The following CDH13 variants were observed in gnomAD, a reference collection of about 807,000 sequenced individuals.
The protein encoded by CDH13 is cadherin-13.
CDH13 carries 24 observed loss-of-function variants against 63.8 expected under a neutral mutation model. The ratio of observed to expected loss-of-function variants is 0.38; its 90% CI spans 0.27 to 0.53. The LOEUF is 0.53. Among genes scored for constraint, CDH13 ranks in the 20% least tolerant of loss-of-function variants. CDH13 has a pLI of 0.85. For synonymous variants in CDH13, 503 were observed against 355.3 expected, an observed-to-expected ratio of 1.42 and a Z score of -4.67; for missense variants, 1,049 against 903.1, an observed-to-expected ratio of 1.16 and a Z score of -2.07.
intron 5 of CDH13, among the ~76,000 whole-genome samples, chr16:83,339,403 C>A (rs1378895236): frequency 1.3e-5 from 2 of 151,994 alleles, no homozygotes; most frequent in Non-Finnish European, 2.9e-5. Flanking sequence ...TAGTTTTGCC[C>A]TCTCTAGGAA....
intron 6 of CDH13, among the ~76,000 whole-genome samples, chr16:83,361,503 C>A (rs772829062): frequency 1.2e-4 from 19 of 152,170 alleles, no homozygotes; most frequent in Non-Finnish European, 2.5e-4. Context: ...AATTATTTCC[C>A]AAGGCCAATG....
intron 7 of CDH13, among the ~76,000 whole-genome samples, chr16:83,527,981 T>C (rs1598225281): frequency 6.6e-6 from 1 of 152,294 alleles, no homozygotes; most frequent in East Asian, 1.9e-4. Context: ...TCGGTGACTT[T>C]CTAAGGGCAC....
At chr16:83,449,396 C>T (rs958279819) in intron 6 of CDH13, among the ~76,000 whole-genome samples, 2 of 152,142 alleles carry the variant, frequency 1.3e-5, no homozygotes, top group Non-Finnish European at 1.5e-5. Context: ...GAAACGGCTC[C>T]CTTACCTGAT....
intron 5 of CDH13, among the ~76,000 whole-genome samples, chr16:83,341,252 A>G (rs964829444): frequency 1.1e-4 from 16 of 152,216 alleles, no homozygotes; most frequent in African/African-American, 2.4e-5. Context: ...GGGTATTTCA[A>G]TTAGGAAGAA....
chr16:83,039,882 T>C (rs570191034), intron 3 of CDH13, among the ~76,000 whole-genome samples: 203 of 152,240 alleles, frequency 1.3e-3, no homozygotes, highest in Admixed American at 3.5e-3. Context: ...GTCAGCACCA[T>C]TGATGCTTCA....
At chr16:83,236,988 G>C (rs1022915609) in intron 5 of CDH13, among the ~76,000 whole-genome samples, 6 of 152,058 alleles carry the variant, frequency 3.9e-5, no homozygotes, top group African/African-American at 7.2e-5. Context: ...CACAAAAAGA[G>C]GTAAGGGAGG....
intron 2 of CDH13, among the ~76,000 whole-genome samples, chr16:82,940,728 A>G (rs1904277640): frequency 6.6e-6 from 1 of 152,166 alleles, no homozygotes; most frequent in East Asian, 1.9e-4. Context: ...CTGTGTTGGC[A>G]GGCACATACA....
At chr16:82,826,234 C>T (rs2038247204) in intron 1 of CDH13, 1 of 152,146 alleles carries the variant, frequency 6.6e-6, no homozygotes, top group Non-Finnish European at 1.5e-5. Context: ...AACAGCCACA[C>T]AATAGCCAAA....
chr16:83,055,270 CA>C (rs35416291), intron 3 of CDH13, among the ~76,000 whole-genome samples: 6,518 of 150,968 alleles, frequency 0.043, 195 homozygotes, highest in Middle Eastern at 0.077. Context: ...AAGGAAATAA[CA>C]AAAATACAAT....
chr16:82,851,425 AT>A, intron 1 of CDH13, among the ~76,000 whole-genome samples: 1 of 116,758 alleles, frequency 8.6e-6, no homozygotes, highest in Non-Finnish European at 1.8e-5. Context: ...ACAGAGTGAG[AT>A]TTCGTCTCAA....
Position 83,738,496 on chromosome 16 carries a change from C to T in CDH13, c.1539-9612C>T, listed in dbSNP as rs1030717400. Among the ~76,000 whole-genome samples, 3 of 152,220 alleles carry T rather than the reference C, an allele frequency of 2.0e-5. No individual in the cohort carries two copies. The South Asian group carries it at 6.2e-4, about 32-fold the overall frequency. Reference sequence around the variant, plus strand: ...CAATTAACACAGAGGACCAAACTAGCATTTCCTTGGGTAAATGCGAGTGGA... The same window carrying T: ...CAATTAACACAGAGGACCAAACTAGTATTTCCTTGGGTAAATGCGAGTGGA... On this transcript the variant is annotated intron_variant, in intron 10 of 13. Coordinates refer to ENST00000567109, the MANE Select transcript of CDH13 (RefSeq NM_001257.5).
At chr16:82,676,114 A>G (rs1290599027) in intron 1 of CDH13, among the ~76,000 whole-genome samples, 1 of 152,214 alleles carries the variant, frequency 6.6e-6, no homozygotes, top group Non-Finnish European at 1.5e-5. Flanking sequence ...TTATTTTCAC[A>G]ATGATCTCAT....
At chr16:82,672,818 A>G (rs1422548152) in intron 1 of CDH13, among the ~76,000 whole-genome samples, 1 of 147,278 alleles carries the variant, frequency 6.8e-6, no homozygotes, top group Non-Finnish European at 1.5e-5. Context: ...CACACACACA[A>G]AATATATATA....
At chr16:83,105,027 TC>T (rs1310840477) in intron 3 of CDH13, among the ~76,000 whole-genome samples, 1 of 152,176 alleles carries the variant, frequency 6.6e-6, no homozygotes, top group African/African-American at 2.4e-5. Context: ...ACTTTTAAGT[TC>T]CGGGGTACAC....
intron 6 of CDH13, among the ~76,000 whole-genome samples, chr16:83,372,381 C>T (rs367557512): frequency 3.9e-5 from 6 of 152,086 alleles, no homozygotes; most frequent in South Asian, 2.1e-4. Flanking sequence ...GGCATAAGGA[C>T]GTTTTTCTCC....
intron 2 of CDH13, among the ~76,000 whole-genome samples, chr16:82,949,709 A>G (rs1905098950): frequency 6.6e-6 from 1 of 152,164 alleles, no homozygotes; most frequent in Non-Finnish European, 1.5e-5. Flanking sequence ...GTTTTTCTCA[A>G]CACATTCTGT....
At chr16:82,817,656 A>G (rs1255623821) in intron 1 of CDH13, among the ~76,000 whole-genome samples, 1 of 152,016 alleles carries the variant, frequency 6.6e-6, no homozygotes, top group Non-Finnish European at 1.5e-5. Flanking sequence ...ATACAAAAAA[A>G]CAGCCAGGTG....
At chr16:83,153,281 G>A (rs2037067429) in intron 4 of CDH13, among the ~76,000 whole-genome samples, 1 of 151,988 alleles carries the variant, frequency 6.6e-6, no homozygotes, top group South Asian at 2.1e-4. Context: ...GTCAGTTCCT[G>A]AGTTGGGGGT....
chr16:83,754,708 A>T (rs1913363088), intron 11 of CDH13, among the ~76,000 whole-genome samples: 1 of 152,154 alleles, frequency 6.6e-6, no homozygotes, highest in East Asian at 1.9e-4. Context: ...CCATCCCTGT[A>T]AGATGGGACT....
Sources: allele counts gnomAD v4.1 joint callset (sites outside exome capture counted in the v4.1 genomes callset), GRCh38; gene constraint gnomAD v4.1.1; transcripts MANE v1.5; gene names NCBI Gene and HGNC (gene_info 2026-07-23, HGNC 2026-07-21).